Variants in CDKAL1 observed in about 807,000 individuals in gnomAD.
CDKAL1 encodes the protein CDKAL1 threonylcarbamoyladenosine tRNA methylthiotransferase, also known as threonylcarbamoyladenosine tRNA methylthiotransferase.
A neutral mutation model predicts 68.2 loss-of-function variants in CDKAL1; 32 were observed. The observed-to-expected ratio is 0.47, with a 90% CI of 0.35 to 0.63. The LOEUF (loss-of-function observed/expected upper bound fraction) is 0.63. CDKAL1 is among the 30% of genes least tolerant of loss of function. The probability of loss-of-function intolerance (pLI) is 0.00; values close to 1 mark genes in which losing one functional copy is unlikely to be tolerated. For missense variants in CDKAL1, 606 were observed against 696.7 expected (o/e 0.87, Z 1.47); for synonymous variants, 234 against 244.3 (o/e 0.96, Z 0.39).
At chr6:20,549,699 C>G (rs1763741514) in intron 4 of CDKAL1, among the ~76,000 whole-genome samples, 1 of 151,836 alleles carries the variant, frequency 6.6e-6, no homozygotes, top group South Asian at 2.1e-4. Context: ...CTCTGCCTCC[C>G]AGGTTCAAGC....
intron 9 of CDKAL1, among the ~76,000 whole-genome samples, chr6:20,864,997 G>C (rs1759824837): frequency 6.6e-6 from 1 of 152,020 alleles, no homozygotes; most frequent in Admixed American, 6.6e-5. Context: ...CCGTTTTATG[G>C]TCCTTATATA....
At chr6:20,761,789 A>T (rs1774480198) in intron 7 of CDKAL1, among the ~76,000 whole-genome samples, 1 of 152,160 alleles carries the variant, frequency 6.6e-6, no homozygotes. Flanking sequence ...GTAGGCAGAA[A>T]ACAGAAGATA....
chr6:21,030,719 T>C (rs1769236879), intron 11 of CDKAL1, among the ~76,000 whole-genome samples: 1 of 152,166 alleles, frequency 6.6e-6, no homozygotes. Context: ...TGAATTTTAT[T>C]TGTATTTCTT....
chr6:20,744,294 A>G (rs73732758), intron 6 of CDKAL1, among the ~76,000 whole-genome samples: 2,087 of 152,230 alleles, frequency 0.014, 43 homozygotes, highest in African/African-American at 0.046. Context: ...CATTTGCAGT[A>G]AAAAAAGAGT....
chr6:21,069,804 T>TTTTTAAA (rs60342057), intron 12 of CDKAL1, among the ~76,000 whole-genome samples: 12 of 85,514 alleles, frequency 1.4e-4, no homozygotes, highest in South Asian at 4.4e-4. Flanking sequence ...TTTTTTTTTT[T>TTTTTAAA]AAAACAGAGC....
At chr6:21,044,364 G>A (rs868264263) in intron 11 of CDKAL1, among the ~76,000 whole-genome samples, 1 of 152,038 alleles carries the variant, frequency 6.6e-6, no homozygotes, top group African/African-American at 2.4e-5. Context: ...ATCATTGATG[G>A]GATTGAATCA....
chr6:21,148,320 G>A (rs1332581891), intron 13 of CDKAL1, among the ~76,000 whole-genome samples: 2 of 152,158 alleles, frequency 1.3e-5, no homozygotes, highest in African/African-American at 4.8e-5. Context: ...TGAATTTGGG[G>A]TTGTCCTTTT....
At chr6:21,189,077 G>T (rs540973829) in intron 13 of CDKAL1, among the ~76,000 whole-genome samples, 2 of 152,322 alleles carry the variant, frequency 1.3e-5, no homozygotes, top group African/African-American at 4.8e-5. Context: ...CAGCTGGGAA[G>T]AGACTACCTC....
At chr6:20,993,812 TC>T (rs1766964884) in intron 10 of CDKAL1, among the ~76,000 whole-genome samples, 1 of 152,230 alleles carries the variant, frequency 6.6e-6, no homozygotes, top group South Asian at 2.1e-4. Flanking sequence ...AGATGAGGAT[TC>T]CATGGAATAG....
intron 6 of CDKAL1, among the ~76,000 whole-genome samples, chr6:20,741,201 A>G (rs1327030726): frequency 3.3e-5 from 5 of 151,978 alleles, no homozygotes; most frequent in African/African-American, 7.2e-5. Flanking sequence ...TTATTTGCCA[A>G]TGTCACAGCT....
At chr6:20,823,762 C>T (rs945808047) in intron 8 of CDKAL1, among the ~76,000 whole-genome samples, 1 of 152,100 alleles carries the variant, frequency 6.6e-6, no homozygotes, top group African/African-American at 2.4e-5. Flanking sequence ...CAAACGAATG[C>T]TGCGTTTTCT....
At chr6:20,644,551 G>C (rs991461295) in intron 4 of CDKAL1, among the ~76,000 whole-genome samples, 2 of 152,082 alleles carry the variant, frequency 1.3e-5, no homozygotes, top group East Asian at 3.9e-4. Flanking sequence ...GTGATGGCGG[G>C]TGCCTGTAGT....
intron 5 of CDKAL1, among the ~76,000 whole-genome samples, chr6:20,652,933 A>G (rs1232472162): frequency 1.3e-5 from 2 of 152,134 alleles, no homozygotes; most frequent in Non-Finnish European, 2.9e-5. Flanking sequence ...TTAATGTATC[A>G]TCTATTAAGT....
chr6:20,897,157 G>T lies in CDKAL1; in HGVS notation c.742+50979G>T, dbSNP rs191778456. 4.9e-4 allele frequency among the ~76,000 whole-genome samples: 75 copies of T among 152,148 alleles called. 1 individual carries two copies. The highest frequency in any genetic ancestry group is 1.7e-3 in the African/African-American group (72 of 41,508). ...ACAGAAGGGGTGAACAAGCTTTCTT[G>T]GGCTTCTTTTATAAGGACACTAGTC... On this transcript the variant is annotated intron_variant, in intron 9 of 15. Transcript: ENST00000274695.
At chr6:20,622,959 A>T (rs906941285) in intron 4 of CDKAL1, among the ~76,000 whole-genome samples, 1 of 152,008 alleles carries the variant, frequency 6.6e-6, no homozygotes, top group Non-Finnish European at 1.5e-5. Context: ...ACAAAAGGGA[A>T]ACTACTTTTC....
intron 11 of CDKAL1, among the ~76,000 whole-genome samples, chr6:21,005,414 C>T (rs1252316456): frequency 1.3e-5 from 2 of 152,158 alleles, no homozygotes; most frequent in Non-Finnish European, 2.9e-5. Context: ...GAATATCCTA[C>T]GGATAGATAT....
intron 4 of CDKAL1, among the ~76,000 whole-genome samples, chr6:20,578,412 T>C (rs1418974875): frequency 6.6e-6 from 1 of 152,212 alleles, no homozygotes; most frequent in African/African-American, 2.4e-5. Flanking sequence ...TTGGGAGTCA[T>C]ATGAATGGAC....
chr6:20,590,964 C>T (rs952307258), intron 4 of CDKAL1, among the ~76,000 whole-genome samples: 12 of 152,176 alleles, frequency 7.9e-5, no homozygotes, highest in Non-Finnish European at 1.6e-4. Context: ...CTAATTTACA[C>T]TCCCATCAAC....
chr6:20,867,937 T>C (rs1398775508), intron 9 of CDKAL1, among the ~76,000 whole-genome samples: 2 of 152,178 alleles, frequency 1.3e-5, no homozygotes, highest in African/African-American at 4.8e-5. Context: ...CCAAAGTACG[T>C]ATTCCATATA....
Sources: allele counts gnomAD v4.1 joint callset (sites outside exome capture counted in the v4.1 genomes callset), GRCh38; gene constraint gnomAD v4.1.1; transcripts MANE v1.5; gene names NCBI Gene and HGNC (gene_info 2026-07-23, HGNC 2026-07-21).